The following PTPN3 variants were observed in gnomAD, a reference collection of about 807,000 sequenced individuals.
PTPN3 encodes tyrosine-protein phosphatase non-receptor type 3.
PTPN3 carries 96 observed loss-of-function variants against 132.7 expected under a neutral mutation model. The ratio of observed to expected loss-of-function variants is 0.72; its 90% CI spans 0.61 to 0.86. PTPN3 has a LOEUF of 0.86. PTPN3 is among the 40% of genes least tolerant of loss of function. PTPN3 has a pLI of 0.00. For missense variants in PTPN3, 1,125 were observed against 1,159.6 expected (o/e 0.97, Z 0.43); for synonymous variants, 398 against 429.0 (o/e 0.93, Z 0.89).
intron 12 of PTPN3, among the ~76,000 whole-genome samples, chr9:109,424,028 T>G (rs1462246775): frequency 2.0e-5 from 3 of 152,186 alleles, no homozygotes; most frequent in Non-Finnish European, 4.4e-5. Context: ...CTCTTTCCTC[T>G]GAGGCAGGCC....
intron 12 of PTPN3, among the ~76,000 whole-genome samples, chr9:109,424,546 C>T (rs1843107073): frequency 6.6e-6 from 1 of 152,238 alleles, no homozygotes; most frequent in Admixed American, 6.5e-5. Flanking sequence ...AACGGTTCTG[C>T]CTTTCGCTCC....
At chr9:109,447,746 T>G (rs1844956813) in intron 6 of PTPN3, among the ~76,000 whole-genome samples, 1 of 152,200 alleles carries the variant, frequency 6.6e-6, no homozygotes, top group Non-Finnish European at 1.5e-5. Flanking sequence ...GAACCGCCCC[T>G]GGCCTCTGCC....
intron 22 of PTPN3, 141 bp from the exon 23 acceptor site, chr9:109,383,692 C>A: frequency 1.6e-6 from 2 of 1,251,058 alleles, no homozygotes; most frequent in South Asian, 1.5e-5. Flanking sequence ...TCAGCCAAGT[C>A]CATCAGCTGT....
the PTPN3 span, among the ~76,000 whole-genome samples, chr9:109,513,275 C>T: frequency 6.6e-6 from 1 of 152,280 alleles, no homozygotes; most frequent in Non-Finnish European, 1.5e-5. Context: ...CTGCCTTGGC[C>T]TCCCAAAGTG....
At chr9:109,536,713 G>C in the PTPN3 span, among the ~76,000 whole-genome samples, 2 of 152,132 alleles carry the variant, frequency 1.3e-5, no homozygotes, top group Admixed American at 1.3e-4. Flanking sequence ...AGGTAAGGCA[G>C]AAGAGACCCT....
chr9:109,383,287 G>A (rs199649942), intron 23 of PTPN3, 136 bp downstream of exon 23: 84 of 1,465,916 alleles, frequency 5.7e-5, no homozygotes, highest in Admixed American at 3.3e-4. Flanking sequence ...GCTCTTTGAT[G>A]GGCAGTCTTG....
intron 1 of PTPN3, among the ~76,000 whole-genome samples, chr9:109,494,566 T>TAATTCA (rs1198415649): frequency 6.6e-6 from 1 of 152,236 alleles, no homozygotes; most frequent in Non-Finnish European, 1.5e-5. Flanking sequence ...GTTTGAGGCT[T>TAATTCA]AATTCAAATT....
At chr9:109,507,476 C>T in the PTPN3 span, among the ~76,000 whole-genome samples, 3 of 152,266 alleles carry the variant, frequency 2.0e-5, no homozygotes, top group Non-Finnish European at 4.4e-5. Context: ...GCTATTCAGC[C>T]TGCCCAGTGA....
intron 1 of PTPN3, among the ~76,000 whole-genome samples, chr9:109,497,836 C>A (rs1380432707): frequency 6.6e-6 from 1 of 151,848 alleles, no homozygotes; most frequent in Non-Finnish European, 1.5e-5. Context: ...CCCCTCGGAG[C>A]CCCGAGCCGG....
chr9:109,450,346 G>C (rs956603319), intron 5 of PTPN3: 17 of 985,106 alleles, frequency 1.7e-5, no homozygotes, highest in Non-Finnish European at 2.0e-5. Flanking sequence ...CCAGAATTAA[G>C]TGTTCTCTCC....
chr9:109,387,944 G>A (rs1291383224), intron 22 of PTPN3, among the ~76,000 whole-genome samples: 4 of 152,178 alleles, frequency 2.6e-5, no homozygotes, highest in African/African-American at 9.7e-5. Context: ...CAAGTATCTC[G>A]TGGGGAAGTG....
intron 8 of PTPN3, 56 bp downstream of exon 8, chr9:109,438,058 A>T: frequency 1.3e-6 from 2 of 1,546,950 alleles, no homozygotes; most frequent in Non-Finnish European, 1.8e-6. Context: ...AAGGGATATG[A>T]TGTCTGAAAA....
the PTPN3 span, among the ~76,000 whole-genome samples, chr9:109,513,885 T>G: frequency 6.6e-6 from 1 of 152,182 alleles, no homozygotes; most frequent in Non-Finnish European, 1.5e-5. Flanking sequence ...AATGGCTAAT[T>G]AAGATATTAA....
chr9:109,448,968 A>G lies in PTPN3; in HGVS notation c.369-113T>C, dbSNP rs1010614706. 2.0e-6 allele frequency: 3 copies of G among 1,497,614 alleles called. No homozygotes were observed. In the African/African-American group the frequency reaches 4.2e-5, roughly 21 times the overall value. The allele number at this position is 1,497,614 out of a possible 1,614,324, so 92.8% of individuals were successfully genotyped here. A position where few individuals can be genotyped will look rare whatever the true frequency, so the allele number is the denominator to read the frequency against. ...GAGCTGTACATGTGAAAGATACATA[A>G]AAATACGGTTTTGGTCCAAGGTATC... On this transcript the variant is annotated intron_variant, in intron 5 of 25. Coordinates refer to ENST00000374541, the MANE Select transcript of PTPN3 (RefSeq NM_002829.4).
intron 1 of PTPN3, among the ~76,000 whole-genome samples, chr9:109,473,563 G>A (rs1249586890): frequency 1.3e-5 from 2 of 152,132 alleles, no homozygotes; most frequent in African/African-American, 2.4e-5. Context: ...GGGCAGTTTC[G>A]GGAAAGAGGT....
At chr9:109,488,148 G>A (rs554942286) in intron 1 of PTPN3, among the ~76,000 whole-genome samples, 1 of 148,718 alleles carries the variant, frequency 6.7e-6, no homozygotes, top group East Asian at 2.0e-4. Context: ...CCAGGCTGGA[G>A]TGAAGTGGCA....
chr9:109,421,512 A>G (rs1044431777), intron 13 of PTPN3, among the ~76,000 whole-genome samples: 3 of 152,158 alleles, frequency 2.0e-5, no homozygotes, highest in Admixed American at 6.5e-5. Flanking sequence ...GGACCTATAA[A>G]TAGCCACAGG....
chr9:109,415,018 C>A (rs994262046), intron 14 of PTPN3, among the ~76,000 whole-genome samples: 16 of 152,100 alleles, frequency 1.1e-4, no homozygotes, highest in Admixed American at 1.3e-4. Flanking sequence ...TTTCATCTAA[C>A]CATTTGTCCG....
intron 1 of PTPN3, among the ~76,000 whole-genome samples, chr9:109,469,986 A>G (rs748377020): frequency 1.3e-5 from 2 of 151,930 alleles, no homozygotes; most frequent in Admixed American, 6.6e-5. Flanking sequence ...TCCGTGGCGC[A>G]GTCCCCTTTT....
Sources: allele counts gnomAD v4.1 joint callset (sites outside exome capture counted in the v4.1 genomes callset), GRCh38; gene constraint gnomAD v4.1.1; transcripts MANE v1.5; gene names NCBI Gene and HGNC (gene_info 2026-07-23, HGNC 2026-07-21).